KIF16B: variants seen among roughly 807,000 people sequenced by gnomAD.
The protein encoded by KIF16B is kinesin family member 16B, also known as kinesin-like protein KIF16B.
Under a neutral mutation model 156.3 loss-of-function variants are expected in KIF16B, and 98 were observed. That is an observed-to-expected ratio of 0.63 (90% CI 0.53 to 0.74). The LOEUF (loss-of-function observed/expected upper bound fraction) is 0.74, where lower values mean the gene tolerates loss of function less well. Ranked by LOEUF, KIF16B falls within the 30% of genes least tolerant of loss-of-function variation. The pLI, the probability that KIF16B is intolerant of heterozygous loss-of-function variation, is 0.00. For synonymous variants in KIF16B, 564 were observed against 583.7 expected, an observed-to-expected ratio of 0.97 and a Z score of 0.49; for missense variants, 1,421 against 1,606.5, an observed-to-expected ratio of 0.88 and a Z score of 1.97.
At chr20:16,368,183 G>C in intron 22 of KIF16B, 1 of 1,082,188 alleles carries the variant, frequency 9.2e-7, no homozygotes, top group Non-Finnish European at 1.1e-6. Flanking sequence ...ATTTGGTCCG[G>C]GAATTGCACA....
At chr20:16,371,597 A>AG in intron 21 of KIF16B, 68 bp downstream of exon 21, 1 of 1,063,494 alleles carries the variant, frequency 9.4e-7, no homozygotes, top group East Asian at 2.4e-5. Context: ...CTCAAAAAAA[A>AG]AAAAAAAAAG....
At chr20:16,420,352 CTCCGATTAGTTGGCAT>C (rs1278741277) in intron 15 of KIF16B, among the ~76,000 whole-genome samples, 4 of 152,058 alleles carry the variant, frequency 2.6e-5, no homozygotes, top group African/African-American at 9.7e-5. Context: ...TTAGATAAAT[CTCCGATTAGTTGGCAT>C]TCACATATAT....
At chr20:16,412,957 G>A (rs1353215665) in intron 15 of KIF16B, among the ~76,000 whole-genome samples, 1 of 151,924 alleles carries the variant, frequency 6.6e-6, no homozygotes, top group Admixed American at 6.6e-5. Flanking sequence ...AAGAGTGTGT[G>A]CTTCCCAGAA....
intron 23 of KIF16B, among the ~76,000 whole-genome samples, chr20:16,344,027 C>T (rs2064186873): frequency 6.6e-6 from 1 of 152,178 alleles, no homozygotes; most frequent in Admixed American, 6.5e-5. Flanking sequence ...CTCTGTGACT[C>T]TAAGCTGTGG....
chr20:16,541,748 C>A (rs934202551), intron 1 of KIF16B, among the ~76,000 whole-genome samples: 9 of 152,214 alleles, frequency 5.9e-5, no homozygotes, highest in African/African-American at 2.2e-4. Flanking sequence ...GAGACTGAGG[C>A]AGGCCCAGGC....
intron 13 of KIF16B, 26 bp from the exon 14 acceptor site, chr20:16,429,030 T>G: frequency 1.3e-6 from 2 of 1,590,022 alleles, no homozygotes; most frequent in Non-Finnish European, 1.7e-6. Context: ...AAGCAAAATG[T>G]ATTAGTAAGA....
At chr20:16,559,180 A>G (rs577819927) in intron 1 of KIF16B, among the ~76,000 whole-genome samples, 2 of 152,160 alleles carry the variant, frequency 1.3e-5, no homozygotes, top group Non-Finnish European at 2.9e-5. Flanking sequence ...AACTCACTCT[A>G]AACTCCAACC....
Position 16,545,443 on chromosome 20 carries a change from T to A in KIF16B, c.48-17003A>T, listed in dbSNP as rs544789875. On this transcript the variant is annotated intron_variant, in intron 1 of 25. Transcript: ENST00000354981. Reference sequence around the variant, plus strand: ...ACTTTGGGAGGCTGAGGTGGGTGGATCACTTGAGGTCAGGAGCTTGAGACC... The same window carrying A: ...ACTTTGGGAGGCTGAGGTGGGTGGAACACTTGAGGTCAGGAGCTTGAGACC... Among the ~76,000 whole-genome samples the A allele has an allele frequency of 3.8e-4, 58 of 151,418 alleles. No homozygotes were observed. The South Asian group carries it at 9.2e-3, about 24-fold the overall frequency.
chr20:16,532,068 CAAAAAA>C (rs34843252), intron 1 of KIF16B, among the ~76,000 whole-genome samples: 3 of 99,318 alleles, frequency 3.0e-5, no homozygotes, highest in African/African-American at 1.2e-4. Context: ...AACTCCGTCT[CAAAAAA>C]AAAAAAAAAA....
chr20:16,518,646 A>G (rs1177478447), intron 3 of KIF16B, among the ~76,000 whole-genome samples: 3 of 152,162 alleles, frequency 2.0e-5, no homozygotes, highest in African/African-American at 7.2e-5. Context: ...ACCTTGTTTA[A>G]TGATCTTTAA....
chr20:16,366,508 C>G (rs1051392903), intron 22 of KIF16B, among the ~76,000 whole-genome samples: 6 of 151,980 alleles, frequency 3.9e-5, no homozygotes, highest in Non-Finnish European at 7.4e-5. Context: ...GAGCTGAAAT[C>G]GCAAGAGTTA....
chr20:16,488,289 C>T lies in KIF16B; in HGVS notation c.1302+6002G>A, dbSNP rs551368205. On this transcript the variant is annotated intron_variant, in intron 12 of 25. Coordinates refer to ENST00000354981, the MANE Select transcript of KIF16B (RefSeq NM_024704.5). ...TCACAGAGGCAGCTCTCCCTTCTGCCGCACCATCTGTCAAAGGGCTGCCAG... is the reference window on the plus strand; with the variant it reads ...TCACAGAGGCAGCTCTCCCTTCTGCTGCACCATCTGTCAAAGGGCTGCCAG... 3.9e-5 allele frequency among the ~76,000 whole-genome samples: 6 copies of T among 152,350 alleles called. No individual in the cohort carries two copies. The East Asian group carries it at 1.2e-3, about 29-fold the overall frequency.
intron 15 of KIF16B, 43 bp downstream of exon 15, chr20:16,427,061 C>G: frequency 3.3e-6 from 5 of 1,494,662 alleles, no homozygotes; most frequent in Non-Finnish European, 4.5e-6. Context: ...CTTGTTTTCT[C>G]AAACAATATA....
At position 16,404,871 on chromosome 20, in the gene KIF16B, T is replaced by A. The variant is rs1312871678; in HGVS notation, c.1726A>T (p.Met576Leu). 6.2e-7 allele frequency: 1 copy of A among 1,613,376 alleles called. No individual in the cohort carries two copies. The highest frequency in any genetic ancestry group is 8.5e-7 in the Non-Finnish European group (1 of 1,179,658). ...SGLLSSFSLS[M>L]TDLSKSRENL... ...TCACGGGACTTCGAGAGGTCGGTCA[T>A]GGACAAGCTGAAGGAGGACAGAAGG... is the stretch of plus-strand genomic sequence containing the variant. Residue 576 changes from methionine to leucine, a missense_variant, in exon 17 of 26, where the codon ATG becomes TTG. By Grantham distance (15) the Met-to-Leu change is conservative. Transcript: ENST00000354981.
chr20:16,427,367 G>T, intron 14 of KIF16B, 126 bp from the exon 15 acceptor site: 1 of 912,666 alleles, frequency 1.1e-6, no homozygotes, highest in Non-Finnish European at 1.6e-6. Context: ...TAAGTATCAT[G>T]AAGTGAACAT....
intron 10 of KIF16B, among the ~76,000 whole-genome samples, chr20:16,501,755 TA>T (rs2068632865): frequency 6.6e-6 from 1 of 152,138 alleles, no homozygotes; most frequent in Non-Finnish European, 1.5e-5. Context: ...AAAGAGTGAA[TA>T]TTTTTCATTA....
intron 10 of KIF16B, among the ~76,000 whole-genome samples, chr20:16,501,296 TG>T (rs2068615887): frequency 1.1e-5 from 1 of 91,270 alleles, no homozygotes; most frequent in Admixed American, 1.1e-4. Context: ...TACCAAGAAT[TG>T]AATTCTTGGT....
rs754033249 is a variant in KIF16B at position 16,505,716 on chromosome 20, T to A, written c.1000+6A>T. The A allele has an allele frequency of 3.1e-6, 5 of 1,610,928 alleles. No homozygotes were observed. ...TATGCTCAGAAAAGTAACTTAAAAC[T>A]CTTACTGGCAATCATGATAGTTTTA... On this transcript the variant is annotated splice_donor_region_variant and intron_variant, in intron 9 of 25. Coordinates refer to ENST00000354981, the MANE Select transcript of KIF16B (RefSeq NM_024704.5).
At chr20:16,378,559 C>T (rs79839828) in intron 19 of KIF16B, among the ~76,000 whole-genome samples, 2,406 of 152,132 alleles carry the variant, frequency 0.016, 69 homozygotes, top group African/African-American at 0.055. Flanking sequence ...ATGGGCTTTG[C>T]TTTTGTTTGT....
Sources: allele counts gnomAD v4.1 joint callset (sites outside exome capture counted in the v4.1 genomes callset), GRCh38; gene constraint gnomAD v4.1.1; transcripts MANE v1.5; gene names NCBI Gene and HGNC (gene_info 2026-07-23, HGNC 2026-07-21).